Variants in GXYLT2 observed in about 807,000 individuals in gnomAD.
The protein encoded by GXYLT2 is glycosyltransferase 8 domain containing 4.
A neutral mutation model predicts 45.8 loss-of-function variants in GXYLT2; 53 were observed. The ratio of observed to expected loss-of-function variants is 1.16; its 90% CI spans 0.93 to 1.46. The LOEUF is 1.46. GXYLT2 is among the 40% of genes most tolerant of loss of function. GXYLT2 has a pLI of 0.00. For missense variants in GXYLT2, 551 were observed against 544.4 expected (o/e 1.01, Z -0.12); for synonymous variants, 219 against 214.2 (o/e 1.02, Z -0.19).
chr3:72,945,646 T>C (rs1710389496), intron 3 of GXYLT2, among the ~76,000 whole-genome samples: 1 of 152,162 alleles, frequency 6.6e-6, no homozygotes, highest in Non-Finnish European at 1.5e-5. Context: ...GACCTGAGTG[T>C]TCAAGAATAA....
intron 1 of GXYLT2, among the ~76,000 whole-genome samples, chr3:72,892,138 G>A (rs7634188): frequency 0.4 from 60,653 of 152,108 alleles, 13,334 homozygotes; most frequent in African/African-American, 0.56. Context: ...AAATGAGCAA[G>A]TTAATCCAAA....
chr3:72,973,313 G>A (rs1284698097), intron 6 of GXYLT2, among the ~76,000 whole-genome samples: 3 of 152,094 alleles, frequency 2.0e-5, no homozygotes, highest in African/African-American at 7.2e-5. Context: ...GGAATGACCA[G>A]GGGAAAGTCC....
intron 2 of GXYLT2, among the ~76,000 whole-genome samples, 164 bp downstream of exon 2, chr3:72,908,723 C>T (rs780693157): frequency 1.1e-4 from 17 of 152,144 alleles, no homozygotes; most frequent in Non-Finnish European, 2.2e-4. Flanking sequence ...GATAATTATA[C>T]CTACCTCATA....
At chr3:72,954,735 A>T (rs999450906) in intron 3 of GXYLT2, among the ~76,000 whole-genome samples, 1 of 152,150 alleles carries the variant, frequency 6.6e-6, no homozygotes, top group East Asian at 1.9e-4. Context: ...GGAAAACCTA[A>T]GAGAGAAAAA....
intron 3 of GXYLT2, among the ~76,000 whole-genome samples, chr3:72,954,241 G>T (rs910491850): frequency 1.3e-5 from 2 of 152,018 alleles, no homozygotes; most frequent in African/African-American, 4.8e-5. Flanking sequence ...CTGAGTAGGT[G>T]GGACTACAGG....
Position 72,975,007 on chromosome 3 carries a change from A to T in GXYLT2, c.1180A>T (p.Met394Leu), listed in dbSNP as rs2107164107. ...CTTTCAAGACAATCTCTTTCAATCC[A>T]TGTATTACCCCCTTCAGCTGAAGTT... is the stretch of plus-strand genomic sequence containing the variant. ...FPFQDNLFQSMYYPLQLKFLE... is the reference protein window; with the variant it reads ...FPFQDNLFQSLYYPLQLKFLE... Residue 394 changes from methionine (M) to leucine (L), a missense_variant, in exon 7 of 7, where the codon ATG becomes TTG. Coordinates refer to ENST00000389617, the MANE Select transcript of GXYLT2 (RefSeq NM_001080393.2). 2.5e-6 allele frequency: 4 copies of T among 1,600,068 alleles called. No individual in the cohort carries two copies. The East Asian group carries it at 9.0e-5, about 36-fold the overall frequency.
chr3:72,945,102 C>A (rs1266801413), intron 3 of GXYLT2, among the ~76,000 whole-genome samples: 1 of 146,188 alleles, frequency 6.8e-6, no homozygotes, highest in Non-Finnish European at 1.5e-5. Flanking sequence ...CACGGTGAAA[C>A]CCTGTCTCTA....
chr3:72,930,177 A>AC (rs879592632), intron 3 of GXYLT2, among the ~76,000 whole-genome samples: 18 of 151,342 alleles, frequency 1.2e-4, no homozygotes, highest in African/African-American at 1.9e-4. Context: ...AAAAAAACAA[A>AC]AAAAAAAACA....
At chr3:72,936,580 T>C (rs1342424107) in intron 3 of GXYLT2, among the ~76,000 whole-genome samples, 1 of 151,624 alleles carries the variant, frequency 6.6e-6, no homozygotes, top group African/African-American at 2.4e-5. Context: ...GCAGAAGATG[T>C]AGTGAGCTGA....
At chr3:72,930,684 C>T (rs1271816274) in intron 3 of GXYLT2, among the ~76,000 whole-genome samples, 3 of 149,680 alleles carry the variant, frequency 2.0e-5, no homozygotes, top group Non-Finnish European at 4.4e-5. Flanking sequence ...GCCTTGACCT[C>T]CCAGGCTCAG....
intron 3 of GXYLT2, among the ~76,000 whole-genome samples, chr3:72,944,360 T>G (rs1206826937): frequency 1.3e-5 from 2 of 151,778 alleles, no homozygotes; most frequent in Non-Finnish European, 2.9e-5. Flanking sequence ...GTTCAAGTGA[T>G]TCTCCTGCCT....
At chr3:72,945,145 G>A (rs538945847) in intron 3 of GXYLT2, among the ~76,000 whole-genome samples, 15 of 149,028 alleles carry the variant, frequency 1.0e-4, no homozygotes, top group African/African-American at 2.7e-4. Flanking sequence ...AAAATCAGCC[G>A]GGTGTGGTGG....
chr3:72,966,822 G>A (rs779170437), intron 5 of GXYLT2, among the ~76,000 whole-genome samples: 30 of 151,618 alleles, frequency 2.0e-4, no homozygotes, highest in African/African-American at 4.1e-4. Flanking sequence ...GACAGGTTTC[G>A]CCATGTTGGC....
At chr3:72,951,038 T>C (rs960932938) in intron 3 of GXYLT2, among the ~76,000 whole-genome samples, 2 of 152,214 alleles carry the variant, frequency 1.3e-5, no homozygotes, top group African/African-American at 4.8e-5. Context: ...GCTGGCTAAT[T>C]TCCATAAAGG....
intron 3 of GXYLT2, among the ~76,000 whole-genome samples, chr3:72,933,275 G>A (rs530286292): frequency 1.3e-5 from 2 of 152,278 alleles, no homozygotes; most frequent in East Asian, 3.9e-4. Context: ...GTCCCAGCAG[G>A]TAACGCTCCT....
intron 1 of GXYLT2, among the ~76,000 whole-genome samples, chr3:72,892,975 C>T (rs1709210406): frequency 2.0e-5 from 3 of 152,172 alleles, no homozygotes. Flanking sequence ...TAGTTACTTA[C>T]TGAGCTCCTA....
Position 72,908,390 on chromosome 3 carries a change from T to A in GXYLT2, c.299T>A (p.Phe100Tyr). 6.2e-7 allele frequency: 1 copy of A among 1,610,842 alleles called. No homozygotes were observed. The highest frequency in any genetic ancestry group is 1.1e-5 in the South Asian group (1 of 90,466). Reference sequence around the variant, plus strand: ...AGGAGGCCTGGAGAACCCAGGAGTTTCCAAGCTGTGCTGCCACCCGAGCTC... The same window carrying A: ...AGGAGGCCTGGAGAACCCAGGAGTTACCAAGCTGTGCTGCCACCCGAGCTC... ...LARRPGEPRS[F>Y]QAVLPPELWI... The change falls in exon 2 of 7, where the codon TTC (phenylalanine) becomes TAC (tyrosine). Residue 100 changes from phenylalanine to tyrosine, a missense_variant. Phe to Tyr is a conservative substitution (Grantham distance 22). Transcript: ENST00000389617.
intron 5 of GXYLT2, 26 bp downstream of exon 5, chr3:72,957,378 T>C: frequency 1.9e-6 from 3 of 1,575,082 alleles, no homozygotes; most frequent in Non-Finnish European, 1.7e-6. Flanking sequence ...AGAATGCCTT[T>C]TGTGTAGGAG....
chr3:72,967,903 T>C (rs1235698077), intron 6 of GXYLT2, among the ~76,000 whole-genome samples, 184 bp downstream of exon 6: 2 of 152,234 alleles, frequency 1.3e-5, no homozygotes, highest in Non-Finnish European at 2.9e-5. Context: ...TCATATCTAC[T>C]TGACTTATTT....
Sources: allele counts gnomAD v4.1 joint callset (sites outside exome capture counted in the v4.1 genomes callset), GRCh38; gene constraint gnomAD v4.1.1; transcripts MANE v1.5; gene names NCBI Gene and HGNC (gene_info 2026-07-23, HGNC 2026-07-21).